Variants in KIAA1217 observed in about 807,000 individuals in gnomAD.
The protein encoded by KIAA1217 is KIAA1217.
Under a neutral mutation model 163.9 loss-of-function variants are expected in KIAA1217, and 88 were observed. That is an observed-to-expected ratio of 0.54 (90% CI 0.45 to 0.64). KIAA1217 has a LOEUF of 0.64. KIAA1217 is among the 30% of genes least tolerant of loss of function. The pLI, the probability that KIAA1217 is intolerant of heterozygous loss-of-function variation, is 0.00. For missense variants in KIAA1217, 2,372 were observed against 2,475.0 expected, an observed-to-expected ratio of 0.96 and a Z score of 0.88; for synonymous variants, 903 against 923.1, an observed-to-expected ratio of 0.98 and a Z score of 0.39.
chr10:24,461,721 T>C (rs886156963), intron 5 of KIAA1217, among the ~76,000 whole-genome samples: 1 of 152,216 alleles, frequency 6.6e-6, no homozygotes, highest in Non-Finnish European at 1.5e-5. Flanking sequence ...TGTTATATCA[T>C]CAAACTAAAA....
intron 1 of KIAA1217, among the ~76,000 whole-genome samples, chr10:23,940,660 G>A (rs1035582315): frequency 6.6e-6 from 1 of 152,000 alleles, no homozygotes; most frequent in Admixed American, 6.6e-5. Context: ...CATGAAACTG[G>A]AATTTTACTA....
chr10:24,326,313 AG>A lies in KIAA1217; in HGVS notation c.355-54555del, dbSNP rs1051598431. 1.2e-3 allele frequency among the ~76,000 whole-genome samples: 182 copies of A among 152,308 alleles called. 1 individual carries two copies. The highest frequency in any genetic ancestry group is 4.0e-3 in the African/African-American group (168 of 41,562). ...GATATTAACACCTTATAGAAAAAAAAGACTTAAATCATAAAACTTCCATTTG... is the reference window on the plus strand; with the variant it reads ...GATATTAACACCTTATAGAAAAAAAAACTTAAATCATAAAACTTCCATTTG... On this transcript the variant is annotated intron_variant, in intron 2 of 20. Transcript: ENST00000376454.
intron 1 of KIAA1217, among the ~76,000 whole-genome samples, chr10:23,733,864 C>T (rs1838629993): frequency 6.6e-6 from 1 of 152,060 alleles, no homozygotes; most frequent in Non-Finnish European, 1.5e-5. Context: ...AATCTTTGTC[C>T]TTGTATATTT....
chr10:24,388,592 C>A (rs562091492), intron 3 of KIAA1217, among the ~76,000 whole-genome samples: 21 of 152,182 alleles, frequency 1.4e-4, no homozygotes, highest in Non-Finnish European at 2.2e-4. Flanking sequence ...TTCTGTACAG[C>A]AAAAGAAACT....
intron 4 of KIAA1217, among the ~76,000 whole-genome samples, chr10:24,434,690 T>G (rs182526909): frequency 2.6e-5 from 4 of 152,332 alleles, no homozygotes; most frequent in African/African-American, 9.6e-5. Context: ...AAGAACTCAT[T>G]TGATCTGTTC....
chr10:24,045,909 C>G (rs1226834198), intron 2 of KIAA1217, among the ~76,000 whole-genome samples: 1 of 151,996 alleles, frequency 6.6e-6, no homozygotes, highest in Non-Finnish European at 1.5e-5. Flanking sequence ...CTCATGTTCA[C>G]CTATGGAGAA....
chr10:23,930,454 T>C (rs926524057), intron 1 of KIAA1217, among the ~76,000 whole-genome samples: 3 of 152,214 alleles, frequency 2.0e-5, no homozygotes, highest in Non-Finnish European at 4.4e-5. Context: ...TGTCCACATT[T>C]GTTCTACATC....
intron 2 of KIAA1217, among the ~76,000 whole-genome samples, chr10:24,161,566 T>G (rs2065121465): frequency 6.6e-6 from 1 of 152,228 alleles, no homozygotes; most frequent in South Asian, 2.1e-4. Context: ...TGTTTTACTT[T>G]CCACACAGGA....
chr10:23,784,833 T>C (rs540236148), intron 1 of KIAA1217, among the ~76,000 whole-genome samples: 16 of 152,202 alleles, frequency 1.1e-4, no homozygotes, highest in Non-Finnish European at 1.8e-4. Flanking sequence ...TAGTTACTTT[T>C]TGTCTGTGAC....
intron 5 of KIAA1217, among the ~76,000 whole-genome samples, chr10:24,463,752 A>G (rs1444777683): frequency 6.6e-6 from 1 of 152,236 alleles, no homozygotes; most frequent in Non-Finnish European, 1.5e-5. Context: ...CTTCCTGTTG[A>G]GGTAATCCTG....
intron 1 of KIAA1217, among the ~76,000 whole-genome samples, chr10:23,995,015 C>T (rs1439832627): frequency 2.6e-5 from 4 of 152,106 alleles, no homozygotes; most frequent in Admixed American, 2.0e-4. Flanking sequence ...CTTGCTTTTC[C>T]GTGTCTTTTA....
At chr10:24,477,399 G>A (rs1365135130) in intron 6 of KIAA1217, among the ~76,000 whole-genome samples, 2 of 152,248 alleles carry the variant, frequency 1.3e-5, no homozygotes, top group Non-Finnish European at 2.9e-5. Flanking sequence ...CACAAAGCCA[G>A]TAGGTGGCAT....
chr10:24,520,334 T>C (rs2070902399), intron 11 of KIAA1217, 81 bp downstream of exon 11: 3 of 1,546,288 alleles, frequency 1.9e-6, no homozygotes, highest in Non-Finnish European at 2.6e-6. Context: ...AGAGGATTCA[T>C]TCATGTATGC....
rs1191750932 is a variant in KIAA1217 at position 23,939,275 on chromosome 10, AAC to A, written c.-320-67948_-320-67947del. Among the ~76,000 whole-genome samples, 5 of 152,306 alleles carry A rather than the reference AAC, an allele frequency of 3.3e-5. No individual in the cohort carries two copies. The East Asian group carries it at 9.7e-4, about 29-fold the overall frequency. Reference sequence around the variant, plus strand: ...TATTTTTAAAATCACATTAAATGTAAACAGTTTAGACATCCCAGTTAAAAAGC... The same window carrying A: ...TATTTTTAAAATCACATTAAATGTAAAGTTTAGACATCCCAGTTAAAAAGC... On this transcript the variant is annotated intron_variant, in intron 1 of 18. Coordinates refer to the KIAA1217 transcript ENST00000376462.
In KIAA1217 at chr10:24,438,429, C is replaced by T. The variant is rs369280099; in HGVS notation, c.796C>T (p.Pro266Ser). The change falls in exon 5 of 21, where the codon CCT (proline) becomes TCT (serine). Residue 266 changes from proline to serine, a missense_variant. This residue lies in a region of KIAA1217 where 1,431 missense variants were observed against 1,470.3 expected (regional missense o/e 0.97). Transcript: ENST00000376454. ...RSLLKVYNKD[P>S]AHAFNHTPKT... ...ACTCCTCAAAGTGTACAACAAGGAT[C>T]CTGCACATGCGTTTAATCACACACC... 6.2e-7 allele frequency: 1 copy of T among 1,613,516 alleles called. No individual in the cohort carries two copies. The highest frequency in any genetic ancestry group is 1.1e-5 in the South Asian group (1 of 91,048).
At chr10:24,339,930 A>G (rs2046857923) in intron 2 of KIAA1217, among the ~76,000 whole-genome samples, 1 of 152,186 alleles carries the variant, frequency 6.6e-6, no homozygotes. Context: ...CTTGCTTGTC[A>G]GAATAACAGG....
intron 2 of KIAA1217, among the ~76,000 whole-genome samples, chr10:24,104,147 C>T (rs1380140551): frequency 6.6e-6 from 1 of 152,184 alleles, no homozygotes; most frequent in Non-Finnish European, 1.5e-5. Context: ...TGTGATCCAA[C>T]AATCATGCTC....
chr10:24,329,039 T>A (rs2045318010), intron 2 of KIAA1217, among the ~76,000 whole-genome samples: 1 of 148,696 alleles, frequency 6.7e-6, no homozygotes, highest in Non-Finnish European at 1.5e-5. Flanking sequence ...ATATACTATA[T>A]ACATAGTATA....
intron 2 of KIAA1217, among the ~76,000 whole-genome samples, chr10:24,142,919 G>C (rs2064148236): frequency 6.6e-6 from 1 of 152,166 alleles, no homozygotes; most frequent in South Asian, 2.1e-4. Flanking sequence ...CAAAGACCAA[G>C]ACTGCAGTAA....
Sources: gnomAD v4.1 joint callset for allele counts (sites outside exome capture counted in the v4.1 genomes callset) on GRCh38, gnomAD v4.1.1 for gene constraint, gnomAD v4.1.1 regional missense constraint, MANE v1.5 for transcripts, NCBI Gene and HGNC (gene_info 2026-07-23, HGNC 2026-07-21) for gene names.